TLN2: variants seen among roughly 807,000 people sequenced by gnomAD.
The protein encoded by TLN2 is talin-2.
A neutral mutation model predicts 294.7 loss-of-function variants in TLN2; 118 were observed. The observed-to-expected ratio is 0.40, with a 90% CI of 0.34 to 0.47. TLN2 has a LOEUF of 0.47. TLN2 is among the 20% of genes least tolerant of loss of function. The pLI is 0.84. For synonymous variants in TLN2, 1,431 were observed against 1,304.5 expected (o/e 1.10, Z -2.09); for missense variants, 3,083 against 3,282.2 (o/e 0.94, Z 1.48).
At chr15:62,825,805 AT>A (rs2068061422) in intron 54 of TLN2, among the ~76,000 whole-genome samples, 1 of 78,478 alleles carries the variant, frequency 1.3e-5, no homozygotes, top group African/African-American at 8.6e-5. Context: ...TATATATTAT[AT>A]ATTATATTAT....
chr15:62,738,704 T>A (rs2061160822), intron 30 of TLN2, among the ~76,000 whole-genome samples: 1 of 152,172 alleles, frequency 6.6e-6, no homozygotes, highest in Non-Finnish European at 1.5e-5. Flanking sequence ...GAATTTCACC[T>A]TGGGGCCTGT....
chr15:62,657,545 C>G (rs1225653950), intron 8 of TLN2, among the ~76,000 whole-genome samples: 1 of 152,188 alleles, frequency 6.6e-6, no homozygotes, highest in Non-Finnish European at 1.5e-5. Context: ...CTGGACACCT[C>G]TAATGTTTTC....
At chr15:62,449,851 C>T (rs2036003044) in intron 1 of TLN2, among the ~76,000 whole-genome samples, 1 of 152,174 alleles carries the variant, frequency 6.6e-6, no homozygotes, top group African/African-American at 2.4e-5. Context: ...GCCATATTTC[C>T]AGGCTTAGCA....
chr15:62,438,481 T>G (rs892941868), intron 1 of TLN2, among the ~76,000 whole-genome samples: 4 of 152,210 alleles, frequency 2.6e-5, no homozygotes, highest in Non-Finnish European at 4.4e-5. Flanking sequence ...ATGTCAACCT[T>G]TAAACATTAA....
chr15:62,627,001 G>A (rs1161260475), intron 3 of TLN2, among the ~76,000 whole-genome samples: 3 of 152,214 alleles, frequency 2.0e-5, no homozygotes, highest in African/African-American at 7.2e-5. Context: ...ACTCTGCTCC[G>A]CTAAAATAGG....
At chr15:62,561,888 T>C (rs1367523991) in intron 1 of TLN2, among the ~76,000 whole-genome samples, 1 of 152,072 alleles carries the variant, frequency 6.6e-6, no homozygotes, top group Non-Finnish European at 1.5e-5. Flanking sequence ...TTTAACATGC[T>C]CTCCTCACGA....
At chr15:62,673,325 T>TTTTTTTTTTTTTTTTTTA in intron 9 of TLN2, among the ~76,000 whole-genome samples, 1 of 144,364 alleles carries the variant, frequency 6.9e-6, no homozygotes, top group Admixed American at 7.1e-5. Context: ...TTTTTTTTTT[T>TTTTTTTTTTTTTTTTTTA]TTTGCAATTT....
At position 62,725,039 on chromosome 15, in the gene TLN2, A is replaced by G; in HGVS notation, c.3190A>G (p.Asn1064Asp). Residue 1064 changes from asparagine to aspartate, a missense_variant, in exon 27 of 59, where the codon AAT becomes GAT. Coordinates refer to ENST00000636159, the MANE Select transcript of TLN2 (RefSeq NM_015059.3). ...SALNTVQTLK[N>D]ELQDAKMAAV... The stretch of plus-strand genomic sequence containing the variant: ...TCTGAATACGGTGCAGACGCTTAAG[A>G]ATGAACTGCAGGATGCCAAGATGGC... The G allele has an allele frequency of 6.2e-7, 1 of 1,613,604 alleles. No individual in the cohort carries two copies. Among genetic ancestry groups the G allele is most frequent in the Non-Finnish European group, 8.5e-7 (1 of 1,179,844 alleles).
intron 32 of TLN2, among the ~76,000 whole-genome samples, chr15:62,743,096 A>C (rs2061428709): frequency 6.6e-6 from 1 of 152,178 alleles, no homozygotes; most frequent in East Asian, 1.9e-4. Context: ...GGAGTTAGGC[A>C]GGACTCACCA....
intron 40 of TLN2, 121 bp from the exon 41 acceptor site, chr15:62,766,200 C>G (rs967733114): frequency 9.3e-6 from 7 of 748,956 alleles, no homozygotes; most frequent in African/African-American, 6.9e-5. Context: ...ATGGCACACA[C>G]GCAGGCATTC....
intron 11 of TLN2, among the ~76,000 whole-genome samples, chr15:62,677,355 A>G (rs959527700): frequency 1.1e-4 from 17 of 152,246 alleles, no homozygotes; most frequent in African/African-American, 4.1e-4. Context: ...CATTAATACC[A>G]TCAGGCTTCA....
At chr15:62,719,717 A>G in intron 24 of TLN2, 50 bp from the exon 25 acceptor site, 1 of 1,440,348 alleles carries the variant, frequency 6.9e-7, no homozygotes. Flanking sequence ...GCTTCTTTGG[A>G]TGGTCCCACC....
intron 1 of TLN2, among the ~76,000 whole-genome samples, chr15:62,458,374 G>A (rs920426313): frequency 6.6e-6 from 1 of 152,132 alleles, no homozygotes; most frequent in Non-Finnish European, 1.5e-5. Flanking sequence ...TGGCGACTTG[G>A]CTCCTTGTGC....
chr15:62,826,782 C>T (rs1355846977), intron 54 of TLN2, among the ~76,000 whole-genome samples: 1 of 152,234 alleles, frequency 6.6e-6, no homozygotes, highest in Admixed American at 6.5e-5. Context: ...AAATGCCTCA[C>T]TCCTGTTGTG....
At chr15:62,698,974 T>C in intron 16 of TLN2, 107 bp downstream of exon 16, 1 of 1,049,796 alleles carries the variant, frequency 9.5e-7, no homozygotes, top group East Asian at 2.6e-5. Context: ...CTAGGTGAAA[T>C]GGAAACCCAT....
intron 1 of TLN2, among the ~76,000 whole-genome samples, chr15:62,518,639 C>A (rs370413080): frequency 1.2e-4 from 19 of 152,054 alleles, no homozygotes; most frequent in East Asian, 9.7e-4. Flanking sequence ...GCTCTGTCAC[C>A]CAGGCTGGAG....
At chr15:62,792,916 C>A (rs1410668890) in intron 46 of TLN2, 129 bp downstream of exon 46, 1 of 1,412,788 alleles carries the variant, frequency 7.1e-7, no homozygotes, top group South Asian at 1.3e-5. Flanking sequence ...TCATCCCGAT[C>A]TTCCCCACTG....
At chr15:62,675,827 G>T (rs1231588842) in intron 11 of TLN2, among the ~76,000 whole-genome samples, 1 of 152,160 alleles carries the variant, frequency 6.6e-6, no homozygotes, top group Non-Finnish European at 1.5e-5. Context: ...TTTTGAAATT[G>T]TACCTGTGAG....
rs978933500 is a variant in TLN2, at chr15:62,698,211, G to A, written c.1473+343G>A. On this transcript the variant is annotated intron_variant, in intron 15 of 58. Transcript: ENST00000636159. ...GTTTTTAGTGATTTTGAGGTTTCACGCTGGGAGTCATTGATTCCTTTCCAC... is the reference window on the plus strand; with the variant it reads ...GTTTTTAGTGATTTTGAGGTTTCACACTGGGAGTCATTGATTCCTTTCCAC... 3.3e-5 allele frequency among the ~76,000 whole-genome samples: 5 copies of A among 152,198 alleles called. No homozygotes were observed. The South Asian group carries it at 8.3e-4, about 25-fold the overall frequency.
Sources: allele counts gnomAD v4.1 joint callset (sites outside exome capture counted in the v4.1 genomes callset), GRCh38; gene constraint gnomAD v4.1.1; transcripts MANE v1.5; gene names NCBI Gene and HGNC (gene_info 2026-07-23, HGNC 2026-07-21).